THSD7B: variants seen among roughly 807,000 people sequenced by gnomAD.
THSD7B encodes the protein thrombospondin type 1 domain containing 7B.
THSD7B carries 138 observed loss-of-function variants against 213.6 expected under a neutral mutation model. That is an observed-to-expected ratio of 0.65 (90% CI 0.56 to 0.74). The LOEUF (loss-of-function observed/expected upper bound fraction) is 0.74, where lower values mean the gene tolerates loss of function less well. Among genes scored for constraint, THSD7B ranks in the 30% least tolerant of loss-of-function variants. The probability of loss-of-function intolerance (pLI) is 0.00; values close to 1 mark genes in which losing one functional copy is unlikely to be tolerated. For synonymous variants in THSD7B, 742 were observed against 687.0 expected, an observed-to-expected ratio of 1.08 and a Z score of -1.25; for missense variants, 1,931 against 1,991.5, an observed-to-expected ratio of 0.97 and a Z score of 0.58.
chr2:137,363,819 G>C (rs1685334176), intron 12 of THSD7B, among the ~76,000 whole-genome samples: 2 of 152,148 alleles, frequency 1.3e-5, no homozygotes, highest in Admixed American at 1.3e-4. Flanking sequence ...ATGAAGAAAG[G>C]AGCTGGTACC....
chr2:137,546,470 ATATATATAATATAT>A (rs1680738711), intron 15 of THSD7B, among the ~76,000 whole-genome samples: 1 of 53,250 alleles, frequency 1.9e-5, no homozygotes, highest in Non-Finnish European at 3.1e-5. Flanking sequence ...TATAATATAT[ATATATATAATATAT>A]ATATATATAT....
intron 15 of THSD7B, among the ~76,000 whole-genome samples, chr2:137,503,422 C>T (rs1286091219): frequency 1.3e-5 from 2 of 152,284 alleles, no homozygotes; most frequent in East Asian, 3.9e-4. Context: ...GCTTGTCCTA[C>T]ACCCTGTATG....
At chr2:136,824,969 C>G (rs963992823) in intron 1 of THSD7B, among the ~76,000 whole-genome samples, 4 of 152,136 alleles carry the variant, frequency 2.6e-5, no homozygotes, top group African/African-American at 9.7e-5. Context: ...CTCTGATTAC[C>G]TGGGGATGCC....
At chr2:137,511,021 TTCTC>T (rs1679952659) in intron 15 of THSD7B, among the ~76,000 whole-genome samples, 1 of 152,204 alleles carries the variant, frequency 6.6e-6, no homozygotes, top group African/African-American at 2.4e-5. Flanking sequence ...TTTTTCTCCT[TTCTC>T]TCTATCTTCT....
intron 12 of THSD7B, among the ~76,000 whole-genome samples, chr2:137,391,151 G>A (rs1901799): frequency 0.23 from 34,394 of 151,866 alleles, 4,052 homozygotes; most frequent in South Asian, 0.27. Context: ...CTTATTGGTC[G>A]GTTCAGGATT....
chr2:137,082,984 T>C (rs1687775610), intron 3 of THSD7B, among the ~76,000 whole-genome samples: 1 of 152,116 alleles, frequency 6.6e-6, no homozygotes, highest in African/African-American at 2.4e-5. Context: ...TAGAACAATC[T>C]CTTTATTCCA....
intron 1 of THSD7B, among the ~76,000 whole-genome samples, chr2:136,800,740 C>T (rs139043542): frequency 1.4e-4 from 21 of 151,648 alleles, no homozygotes; most frequent in African/African-American, 5.1e-4. Flanking sequence ...TGGGTCAAGC[C>T]TCTATAGAAA....
In THSD7B at chr2:137,332,969, C is replaced by A. The variant is rs141753595; in HGVS notation, c.2500+56943C>A. 9.2e-4 allele frequency among the ~76,000 whole-genome samples: 140 copies of A among 152,260 alleles called. 1 individual carries two copies. The highest frequency in any genetic ancestry group is 2.7e-3 in the South Asian group (13 of 4,824). On this transcript the variant is annotated intron_variant, in intron 12 of 27. Coordinates refer to ENST00000409968, the MANE Select transcript of THSD7B (RefSeq NM_001316349.2). ...AGCATGAGAATAGACTAATATATTC[C>A]TGTAAAACAGACTTTCAGTGAGCAA...
intron 2 of THSD7B, among the ~76,000 whole-genome samples, chr2:137,035,247 C>T (rs1686754231): frequency 6.6e-6 from 1 of 152,128 alleles, no homozygotes; most frequent in African/African-American, 2.4e-5. Context: ...TTAACCATAC[C>T]CATCTCTTTT....
chr2:137,594,809 C>A (rs779513281), intron 17 of THSD7B, among the ~76,000 whole-genome samples: 1 of 151,784 alleles, frequency 6.6e-6, no homozygotes, highest in Non-Finnish European at 1.5e-5. Context: ...GGAAAAGAAG[C>A]CTGATATCAT....
chr2:137,445,817 C>T (rs1558799464), intron 14 of THSD7B, among the ~76,000 whole-genome samples: 1 of 151,722 alleles, frequency 6.6e-6, no homozygotes, highest in Non-Finnish European at 1.5e-5. Context: ...GCCCAGTTAC[C>T]CCGATTTGAT....
At chr2:137,206,634 T>C (rs1680989689) in intron 7 of THSD7B, among the ~76,000 whole-genome samples, 1 of 151,980 alleles carries the variant, frequency 6.6e-6, no homozygotes, top group South Asian at 2.1e-4. Flanking sequence ...ATTAAACAGG[T>C]CCAGGTGGGA....
chr2:136,948,654 C>T (rs1464093396), intron 2 of THSD7B, among the ~76,000 whole-genome samples: 6 of 152,108 alleles, frequency 3.9e-5, no homozygotes, highest in African/African-American at 1.4e-4. Context: ...TATATACTTA[C>T]ATGCATATGT....
At chr2:137,287,394 G>A (rs1202634372) in intron 12 of THSD7B, among the ~76,000 whole-genome samples, 2 of 152,096 alleles carry the variant, frequency 1.3e-5, no homozygotes, top group Admixed American at 6.5e-5. Context: ...TGAGAGTAAA[G>A]CGTTGGATTC....
intron 19 of THSD7B, among the ~76,000 whole-genome samples, chr2:137,620,297 G>A (rs115983645): frequency 0.019 from 2,940 of 152,306 alleles, 44 homozygotes; most frequent in Middle Eastern, 0.071. Context: ...GCGTTGAAGT[G>A]TCTTTCTGGT....
intron 1 of THSD7B, among the ~76,000 whole-genome samples, chr2:136,805,289 C>T (rs2558107): frequency 0.12 from 18,805 of 152,066 alleles, 1,311 homozygotes; most frequent in South Asian, 0.2. Context: ...CCTGTGTTTG[C>T]GGCAGTTAGA....
intron 7 of THSD7B, among the ~76,000 whole-genome samples, chr2:137,210,053 A>G (rs1239530816): frequency 6.6e-6 from 1 of 151,724 alleles, no homozygotes; most frequent in Non-Finnish European, 1.5e-5. Flanking sequence ...ATAGAGAGAG[A>G]CCTTAGGAGA....
intron 2 of THSD7B, among the ~76,000 whole-genome samples, chr2:136,888,523 A>G (rs1421564542): frequency 6.6e-6 from 1 of 152,096 alleles, no homozygotes; most frequent in Non-Finnish European, 1.5e-5. Context: ...ATGTGCTAGA[A>G]GTTCATGAAA....
intron 17 of THSD7B, among the ~76,000 whole-genome samples, chr2:137,592,768 T>G (rs575273549): frequency 6.6e-6 from 1 of 152,076 alleles, no homozygotes; most frequent in East Asian, 1.9e-4. Flanking sequence ...TGATAAATTT[T>G]TTTACTTCTT....
Sources: gnomAD v4.1 joint callset for allele counts (sites outside exome capture counted in the v4.1 genomes callset) on GRCh38, gnomAD v4.1.1 for gene constraint, MANE v1.5 for transcripts, NCBI Gene and HGNC (gene_info 2026-07-23, HGNC 2026-07-21) for gene names.